Variants in PSMA5 observed in about 807,000 individuals in gnomAD.
PSMA5 encodes the protein proteasome subunit alpha type-5.
In PSMA5, 3 loss-of-function variants were observed where a neutral mutation model predicts 34.5. That is an observed-to-expected ratio of 0.09 (90% confidence interval 0.04 to 0.22). PSMA5 has a LOEUF of 0.22. Ranked by LOEUF, PSMA5 falls within the 10% of genes least tolerant of loss-of-function variation. The pLI, the probability that PSMA5 is intolerant of heterozygous loss-of-function variation, is 1.00. For missense variants in PSMA5, 120 were observed against 286.1 expected (o/e 0.42, Z 4.19); for synonymous variants, 88 against 95.8 (o/e 0.92, Z 0.47).
At position 109,409,946 on chromosome 1, in the gene PSMA5, C is replaced by G. The variant is rs772224663; in HGVS notation, c.630G>C (p.Leu210=). 6.2e-6 allele frequency: 10 copies of G among 1,604,896 alleles called. No homozygotes were observed. The Admixed American group carries it at 1.7e-4, about 27-fold the overall frequency. ...IILKQVMEEK[L]NATNIELATV... ...AAAGTACCTCAATGTTTGTTGCATTCAGCTTCTCCTCCATTACTTGTTTGA... is the reference window on the plus strand; with the variant it reads ...AAAGTACCTCAATGTTTGTTGCATTGAGCTTCTCCTCCATTACTTGTTTGA... The change falls in exon 8 of 9, where the codon CTG becomes CTC. Residue 210 remains leucine (L), a synonymous_variant. Transcript: ENST00000271308.
chr1:109,420,210 C>A (rs1017173543), intron 2 of PSMA5, among the ~76,000 whole-genome samples: 15 of 152,010 alleles, frequency 9.9e-5, no homozygotes, highest in African/African-American at 3.4e-4. Flanking sequence ...ACTAATGTAA[C>A]TATTGACTAA....
chr1:109,402,349 A>C (rs1653567529), intron 8 of PSMA5, among the ~76,000 whole-genome samples: 1 of 152,232 alleles, frequency 6.6e-6, no homozygotes, highest in African/African-American at 2.4e-5. Context: ...CATCATTGTC[A>C]CTTCTTGAAG....
intron 3 of PSMA5, among the ~76,000 whole-genome samples, chr1:109,413,883 C>G (rs556697447): frequency 6.6e-6 from 1 of 152,252 alleles, no homozygotes; most frequent in South Asian, 2.1e-4. Context: ...AAACCTTCAC[C>G]ATCTCTTTGT....
chr1:109,426,108 G>T, intron 1 of PSMA5, 194 bp downstream of exon 1: 2 of 681,254 alleles, frequency 2.9e-6, no homozygotes, highest in Non-Finnish European at 5.1e-6. Context: ...GTGACTCAGC[G>T]GTAGGACAAG....
chr1:109,401,369 G>A lies in PSMA5; in HGVS notation c.*644C>T, dbSNP rs1170088644. 1 of 152,006 alleles carries A rather than the reference G, an allele frequency of 6.6e-6. No individual in the cohort carries two copies. Among genetic ancestry groups the A allele is most frequent in the Admixed American group, 6.6e-5 (1 of 15,258 alleles). 9.4% of individuals were successfully genotyped at this position (152,006 alleles called of 1,614,324 possible). A position where few individuals can be genotyped will look rare whatever the true frequency, so the allele number is the denominator to read the frequency against. ...TCCAACCCATCAATGTTTTGAGGAG[G>A]ACCTCAAAACATGTTCTTCTGATAG... On this transcript the variant is annotated 3_prime_UTR_variant, in exon 9 of 9. Transcript: ENST00000271308.
At chr1:109,405,447 G>GTTTTT (rs11390638) in intron 8 of PSMA5, among the ~76,000 whole-genome samples, 28 of 118,272 alleles carry the variant, frequency 2.4e-4, no homozygotes, top group South Asian at 8.3e-4. Context: ...GTCAGAAAAG[G>GTTTTT]TTTTTTTTTT....
At chr1:109,410,202 G>GA (rs1389023020) in intron 7 of PSMA5, among the ~76,000 whole-genome samples, 188 bp from the exon 8 acceptor site, 3 of 151,468 alleles carry the variant, frequency 2.0e-5, no homozygotes, top group African/African-American at 7.3e-5. Flanking sequence ...ATTTTTTCAG[G>GA]AAAAAAAACC....
intron 6 of PSMA5, 104 bp from the exon 7 acceptor site, chr1:109,411,217 G>A: frequency 1.4e-6 from 1 of 706,446 alleles, no homozygotes. Context: ...CCTGCAGCCA[G>A]GAAACACCAC....
chr1:109,408,710 G>A (rs570376473), intron 8 of PSMA5, among the ~76,000 whole-genome samples: 196 of 150,176 alleles, frequency 1.3e-3, no homozygotes, highest in African/African-American at 4.5e-3. Context: ...TTTTTTTTCG[G>A]GACGGAGTCT....
At chr1:109,419,560 T>C (rs922838782) in intron 2 of PSMA5, among the ~76,000 whole-genome samples, 4 of 151,976 alleles carry the variant, frequency 2.6e-5, no homozygotes, top group Non-Finnish European at 5.9e-5. Context: ...ATCCCAGCAC[T>C]CTGGGAGGCA....
At chr1:109,426,209 G>C in intron 1 of PSMA5, 93 bp downstream of exon 1, 1 of 1,532,584 alleles carries the variant, frequency 6.5e-7, no homozygotes, top group East Asian at 2.3e-5. Context: ...GGTTCCTGGG[G>C]AGCCCCATGA....
intron 8 of PSMA5, among the ~76,000 whole-genome samples, chr1:109,403,072 T>G (rs1201084716): frequency 6.6e-6 from 1 of 152,226 alleles, no homozygotes; most frequent in Non-Finnish European, 1.5e-5. Context: ...AAACCAGTTG[T>G]GACTGCTGAA....
chr1:109,411,976 A>C (rs765952761), intron 5 of PSMA5, 41 bp from the exon 6 acceptor site: 2 of 1,594,260 alleles, frequency 1.3e-6, no homozygotes, highest in East Asian at 2.2e-5. Flanking sequence ...AAATGGCTAT[A>C]AAGTAAGGAG....
intron 8 of PSMA5, among the ~76,000 whole-genome samples, chr1:109,408,091 C>G (rs936538586): frequency 3.9e-5 from 6 of 152,170 alleles, no homozygotes; most frequent in Non-Finnish European, 7.3e-5. Flanking sequence ...TGGGACATCT[C>G]TCCAGGTTTA....
rs562316459 is a variant in PSMA5 at position 109,400,752 on chromosome 1, T to C, written c.*1261A>G. On this transcript the variant is annotated 3_prime_UTR_variant, in exon 9 of 9. Coordinates refer to ENST00000271308, the MANE Select transcript of PSMA5 (RefSeq NM_002790.4). ...ATGGATTTAGTATGAATTCAGCCTA[T>C]CCAAATAGTCATAATTTATTAACAT... The C allele has an allele frequency of 5.3e-5, 8 of 152,202 alleles. No homozygotes were observed. Among genetic ancestry groups the C allele is most frequent in the Non-Finnish European group, 1.2e-4 (8 of 68,034 alleles). 9.4% of individuals were successfully genotyped at this position (152,202 alleles called of 1,614,324 possible). A position where few individuals can be genotyped will look rare whatever the true frequency, so the allele number is the denominator to read the frequency against.
chr1:109,408,192 A>C (rs890459018), intron 8 of PSMA5, among the ~76,000 whole-genome samples: 4 of 152,158 alleles, frequency 2.6e-5, no homozygotes, highest in Non-Finnish European at 5.9e-5. Flanking sequence ...AAGCTGGTCC[A>C]TACCTCTCCA....
intron 8 of PSMA5, among the ~76,000 whole-genome samples, chr1:109,408,819 T>C (rs529325729): frequency 3.3e-5 from 5 of 151,910 alleles, no homozygotes; most frequent in Non-Finnish European, 5.9e-5. Context: ...GCTTCCCAAG[T>C]AGCTGGGATT....
At chr1:109,404,179 T>C (rs1653654852) in intron 8 of PSMA5, among the ~76,000 whole-genome samples, 1 of 152,002 alleles carries the variant, frequency 6.6e-6, no homozygotes, top group Admixed American at 6.6e-5. Context: ...CAATAATTAG[T>C]CGGGCATGGT....
intron 2 of PSMA5, among the ~76,000 whole-genome samples, chr1:109,419,352 A>T (rs938048678): frequency 7.9e-5 from 12 of 152,274 alleles, no homozygotes; most frequent in African/African-American, 2.9e-4. Flanking sequence ...ACTGGAGCAG[A>T]TTAGAAGGCT....
Sources: allele counts gnomAD v4.1 joint callset (sites outside exome capture counted in the v4.1 genomes callset), GRCh38; gene constraint gnomAD v4.1.1; transcripts MANE v1.5; gene names NCBI Gene and HGNC (gene_info 2026-07-23, HGNC 2026-07-21).